ZFHX3: variants seen among roughly 807,000 people sequenced by gnomAD.
The protein encoded by ZFHX3 is zinc finger homeobox protein 3.
ZFHX3 carries 42 observed loss-of-function variants against 279.1 expected under a neutral mutation model. That is an observed-to-expected ratio of 0.15 (90% CI 0.12 to 0.19). ZFHX3 has a LOEUF of 0.19. ZFHX3 is among the 10% of genes least tolerant of loss of function. ZFHX3 has a pLI of 1.00. For missense variants in ZFHX3, 4,981 were observed against 4,754.0 expected (o/e 1.05, Z -1.40); for synonymous variants, 2,293 against 1,957.8 (o/e 1.17, Z -4.52).
chr16:73,837,957 T>C (rs1270497986), intron 1 of ZFHX3, among the ~76,000 whole-genome samples: 3 of 152,200 alleles, frequency 2.0e-5, no homozygotes, highest in African/African-American at 7.2e-5. Flanking sequence ...TCAAAGGAAA[T>C]CTGTTCCTCT....
At position 73,616,587 on chromosome 16, in the gene ZFHX3, C is replaced by T. The variant is rs1230330135; in HGVS notation, c.-1547+63593G>A. Among the ~76,000 whole-genome samples the T allele has an allele frequency of 2.0e-5, 3 of 151,688 alleles. No homozygotes were observed. In the East Asian group the frequency reaches 5.8e-4, roughly 29 times the overall value. ...GTGTTCTCCTGGGGAAGCTCAATGG[C>T]CGTTGCAAAATTCAATGTGTGTGTG... On this transcript the variant is annotated intron_variant, in intron 2 of 17. Coordinates refer to the ZFHX3 transcript ENST00000641206.
intron 5 of ZFHX3, among the ~76,000 whole-genome samples, chr16:73,250,613 A>G (rs1221059938): frequency 6.6e-6 from 1 of 152,082 alleles, no homozygotes; most frequent in Non-Finnish European, 1.5e-5. Context: ...GGCTCACTGC[A>G]AGCTCCAGCT....
chr16:73,162,087 G>C (rs1967250102), intron 5 of ZFHX3, among the ~76,000 whole-genome samples: 1 of 152,308 alleles, frequency 6.6e-6, no homozygotes, highest in Admixed American at 6.5e-5. Context: ...TATAGAGCAG[G>C]GGTCCCCAGC....
Position 72,843,513 on chromosome 16 carries a change from T to TAA in ZFHX3, c.3449-13656_3449-13655dup, listed in dbSNP as rs59007764. On this transcript the variant is annotated intron_variant, in intron 4 of 9. Coordinates refer to ENST00000268489, the MANE Select transcript of ZFHX3 (RefSeq NM_006885.4). ...CTGGGCGACAGAGCGAGACTCCGTC[T>TAA]AAAAAAAAAAAAAAAAAAAAAAAAA... Among the ~76,000 whole-genome samples, 47 of 39,434 alleles carry TAA rather than the reference T, an allele frequency of 1.2e-3. 1 individual carries two copies. Among genetic ancestry groups the TAA allele is most frequent in the Non-Finnish European group, 1.9e-3 (36 of 18,994 alleles). The allele number at this position is 39,434 out of a possible 152,430, so 25.9% of individuals were successfully genotyped here. A position where few individuals can be genotyped will look rare whatever the true frequency, so the allele number is the denominator to read the frequency against.
At chr16:72,818,705 A>G (rs1567531798) in intron 5 of ZFHX3, among the ~76,000 whole-genome samples, 1 of 152,232 alleles carries the variant, frequency 6.6e-6, no homozygotes, top group Non-Finnish European at 1.5e-5. Flanking sequence ...TCCCTAATCA[A>G]AGAAGCAGAA....
intron 2 of ZFHX3, among the ~76,000 whole-genome samples, chr16:73,648,671 C>T (rs139298311): frequency 0.029 from 4,371 of 152,248 alleles, 225 homozygotes; most frequent in African/African-American, 0.1. Flanking sequence ...CTTGGCCTCC[C>T]AAAGTGCTGG....
chr16:73,159,031 T>G (rs1468710484), intron 5 of ZFHX3, among the ~76,000 whole-genome samples: 1 of 152,164 alleles, frequency 6.6e-6, no homozygotes, highest in Non-Finnish European at 1.5e-5. Context: ...AAAGATTTCA[T>G]GAGGAAGATG....
At chr16:73,645,406 G>A (rs967322039) in intron 2 of ZFHX3, among the ~76,000 whole-genome samples, 17 of 152,128 alleles carry the variant, frequency 1.1e-4, no homozygotes, top group Middle Eastern at 3.4e-3. Context: ...ACAGGCGCCC[G>A]CCGCCACACC....
In ZFHX3 at chr16:73,535,722, C is replaced by CTT. The variant is rs56867952; in HGVS notation, c.-1546-79466_-1546-79465dup. On this transcript the variant is annotated intron_variant, in intron 2 of 17. Coordinates refer to the ZFHX3 transcript ENST00000641206. ...CCCTTGGGTTCTATGTGCCCCCTAT[C>CTT]TTTTTTTTTTTTTTTTCTTAGAAGG... 3.3e-3 allele frequency among the ~76,000 whole-genome samples: 459 copies of CTT among 138,982 alleles called. 8 individuals are homozygous for CTT. The highest frequency in any genetic ancestry group is 6.0e-3 in the African/African-American group (224 of 37,340). 91.2% of individuals were successfully genotyped at this position (138,982 alleles called of 152,430 possible). A position where few individuals can be genotyped will look rare whatever the true frequency, so the allele number is the denominator to read the frequency against.
chr16:73,307,895 T>C (rs1404201261), intron 4 of ZFHX3, among the ~76,000 whole-genome samples: 1 of 152,174 alleles, frequency 6.6e-6, no homozygotes, highest in Non-Finnish European at 1.5e-5. Flanking sequence ...ACCTTGAAGA[T>C]GAGCAATTGC....
At chr16:73,614,624 T>C (rs1050569619) in intron 2 of ZFHX3, among the ~76,000 whole-genome samples, 1 of 152,190 alleles carries the variant, frequency 6.6e-6, no homozygotes, top group African/African-American at 2.4e-5. Flanking sequence ...ATTTCCTGGC[T>C]CTTTTTGCTG....
rs557498373 is a variant in ZFHX3 at position 73,184,921 on chromosome 16, G to A, written c.-1103-41090C>T. Among the ~76,000 whole-genome samples the A allele has an allele frequency of 1.8e-4, 27 of 152,224 alleles. 1 individual carries two copies. In the South Asian group the frequency reaches 5.4e-3, roughly 30 times the overall value. On this transcript the variant is annotated intron_variant, in intron 5 of 17. Coordinates refer to the ZFHX3 transcript ENST00000641206. ...GTGTGAAAGTAGGAACCAGGCTGGT[G>A]AGATCGGCAGGGCCGGTGCACAGCA...
intron 1 of ZFHX3, among the ~76,000 whole-genome samples, chr16:72,990,282 G>T (rs1283158910): frequency 1.3e-5 from 2 of 152,174 alleles, no homozygotes; most frequent in Non-Finnish European, 2.9e-5. Flanking sequence ...CCCAGGTCCT[G>T]GCCTGTAAAT....
chr16:73,598,093 C>G (rs2052071118), intron 2 of ZFHX3, among the ~76,000 whole-genome samples: 1 of 152,126 alleles, frequency 6.6e-6, no homozygotes, highest in Non-Finnish European at 1.5e-5. Flanking sequence ...TCCTGTTAGG[C>G]TGCTAAGGAA....
intron 5 of ZFHX3, among the ~76,000 whole-genome samples, chr16:73,146,366 T>C (rs1473006987): frequency 2.6e-5 from 4 of 151,592 alleles, no homozygotes; most frequent in Non-Finnish European, 2.9e-5. Flanking sequence ...AGGCGGAGGT[T>C]GCAGTGAGCC....
intron 2 of ZFHX3, among the ~76,000 whole-genome samples, chr16:73,588,159 T>C (rs1277018741): frequency 1.3e-5 from 2 of 152,078 alleles, no homozygotes; most frequent in African/African-American, 4.8e-5. Context: ...AGAAAATCCA[T>C]AGATCAAAGA....
intron 1 of ZFHX3, among the ~76,000 whole-genome samples, chr16:73,045,803 A>AGG (rs376697150): frequency 2.6e-5 from 3 of 114,160 alleles, no homozygotes; most frequent in Admixed American, 8.4e-5. Flanking sequence ...AAAAAAAAAA[A>AGG]GTGGGGGGGG....
chr16:73,709,577 T>C (rs2053337875), intron 1 of ZFHX3, among the ~76,000 whole-genome samples: 1 of 151,740 alleles, frequency 6.6e-6, no homozygotes, highest in Non-Finnish European at 1.5e-5. Context: ...TCTAAAAAAG[T>C]CAAACTCATA....
chr16:73,729,229 C>A (rs1342562257), intron 1 of ZFHX3, among the ~76,000 whole-genome samples: 1 of 152,170 alleles, frequency 6.6e-6, no homozygotes, highest in African/African-American at 2.4e-5. Context: ...ACCTCCCTTA[C>A]AACACACCTG....
Sources: gnomAD v4.1 joint callset for allele counts (sites outside exome capture counted in the v4.1 genomes callset) on GRCh38, gnomAD v4.1.1 for gene constraint, MANE v1.5 for transcripts, NCBI Gene and HGNC (gene_info 2026-07-23, HGNC 2026-07-21) for gene names.